SP140: variants seen among roughly 807,000 people sequenced by gnomAD.
SP140 encodes the protein nuclear body protein SP140.
A neutral mutation model predicts 125.0 loss-of-function variants in SP140; 81 were observed. That is an observed-to-expected ratio of 0.65 (90% CI 0.54 to 0.78). The LOEUF (loss-of-function observed/expected upper bound fraction) is 0.78, where lower values mean the gene tolerates loss of function less well. SP140 is among the 30% of genes least tolerant of loss of function. The pLI, the probability that SP140 is intolerant of heterozygous loss-of-function variation, is 0.00. For synonymous variants in SP140, 312 were observed against 354.0 expected (o/e 0.88, Z 1.33); for missense variants, 858 against 1,037.0 (o/e 0.83, Z 2.37).
intron 12 of SP140, among the ~76,000 whole-genome samples, chr2:230,256,642 G>T (rs1259567383): frequency 6.6e-6 from 1 of 152,070 alleles, no homozygotes; most frequent in African/African-American, 2.4e-5. Flanking sequence ...TGCACGTTGT[G>T]CACATGTACC....
chr2:230,239,199 A>T (rs1316877918), intron 3 of SP140: 2 of 413,442 alleles, frequency 4.8e-6, no homozygotes, highest in Non-Finnish European at 7.5e-6. Flanking sequence ...GGTCTAGAGG[A>T]AGTCAAATAC....
rs139212009 is a variant in SP140, at chr2:230,231,656, A to T, written c.60-5427A>T. On this transcript the variant is annotated intron_variant, in intron 1 of 26. Transcript: ENST00000392045. ...CTTATGATTACATCTCGATCTTTTA[A>T]TGGAACTGCACCTTGGGCTATTACT... Among the ~76,000 whole-genome samples the T allele has an allele frequency of 5.6e-3, 845 of 152,252 alleles. 3 individuals are homozygous for T. Among genetic ancestry groups the T allele is most frequent in the Non-Finnish European group, 9.9e-3 (676 of 68,008 alleles).
chr2:230,310,833 G>A lies in SP140; in HGVS notation c.2265G>A (p.Met755Ile), dbSNP rs1439383952. The change falls in exon 24 of 27, where the codon ATG becomes ATA. Residue 755 changes from methionine to isoleucine, a missense_variant. Physicochemically the swap from Met to Ile is conservative, Grantham distance 10 (BLOSUM62 1). Around this residue, in one of 4 missense-constraint regions of SP140, gnomAD observed 22 missense variants for 50.5 expected, o/e 0.44. Coordinates refer to ENST00000392045, the MANE Select transcript of SP140 (RefSeq NM_007237.5). ...CQESEVLERQ[M>I]CPEEQLKCEF... The stretch of plus-strand genomic sequence containing the variant: ...AATCTGAGGTCCTGGAGAGGCAGAT[G>A]TGTCCTGAGGAACAGTTGGTAAATC... 2 of 1,360,786 alleles carry A rather than the reference G, an allele frequency of 1.5e-6. No homozygotes were observed. The highest frequency in any genetic ancestry group is 2.0e-6 in the Non-Finnish European group (2 of 992,698). The allele number at this position is 1,360,786 out of a possible 1,614,324, so 84.3% of individuals were successfully genotyped here.
At chr2:230,249,005 T>A in intron 9 of SP140, 37 bp downstream of exon 9, 1 of 1,527,992 alleles carries the variant, frequency 6.5e-7, no homozygotes, top group Non-Finnish European at 9.0e-7. Context: ...TTTGAGTACA[T>A]CTTTGTTTTC....
chr2:230,285,538 G>A (rs534219863), intron 16 of SP140, among the ~76,000 whole-genome samples: 2 of 152,276 alleles, frequency 1.3e-5, no homozygotes, highest in Admixed American at 6.5e-5. Flanking sequence ...ATTTAAGTCT[G>A]TGTGTATGTA....
upstream of SP140, chr2:230,200,925 C>A (rs1008864778): frequency 6.2e-7 from 1 of 1,613,816 alleles, no homozygotes; most frequent in African/African-American, 1.3e-5. Context: ...TCTTCTGGGA[C>A]CTCTTTCCTT....
intron 12 of SP140, among the ~76,000 whole-genome samples, chr2:230,259,077 G>A (rs2051742991): frequency 6.6e-6 from 1 of 151,732 alleles, no homozygotes; most frequent in Admixed American, 6.6e-5. Flanking sequence ...AGCATGGCCT[G>A]TTTGTTTATT....
In SP140 at chr2:230,247,781, T is replaced by G; in HGVS notation, c.743-135T>G. ...CATTTTCTGATGACTCTTTCTCATC[T>G]GAGCTTTCCTAAAGGCTTAGCCCTG... On this transcript the variant is annotated intron_variant, in intron 7 of 26. Coordinates refer to ENST00000392045, the MANE Select transcript of SP140 (RefSeq NM_007237.5). 5 of 786,416 alleles carry G rather than the reference T, an allele frequency of 6.4e-6. No individual in the cohort carries two copies. In the South Asian group the frequency reaches 1.1e-4, roughly 17 times the overall value. 48.7% of individuals were successfully genotyped at this position (786,416 alleles called of 1,614,324 possible). A position where few individuals can be genotyped will look rare whatever the true frequency, so the allele number is the denominator to read the frequency against.
At position 230,238,299 on chromosome 2, in the gene SP140, G is replaced by T. The variant is rs1179778231; in HGVS notation, c.324G>T (p.Trp108Cys). Residue 108 changes from tryptophan to cysteine, a missense_variant, in exon 3 of 27, where the codon TGG becomes TGT. This residue lies in a region of SP140 where 791 missense variants were observed against 869.5 expected (regional missense o/e 0.91). Coordinates refer to ENST00000392045, the MANE Select transcript of SP140 (RefSeq NM_007237.5). ...VLSELEKTFG[W>C]SHLEALFSRI... ...GTGAACTGGAGAAGACATTTGGCTG[G>T]TCACATCTGGAAGCATTGTTCAGCA... The T allele has an allele frequency of 9.9e-6, 16 of 1,613,842 alleles. No individual in the cohort carries two copies. Among genetic ancestry groups the T allele is most frequent in the African/African-American group, 1.3e-5 (1 of 74,924 alleles).
upstream of SP140, chr2:230,202,501 A>G (rs2148860511): frequency 7.2e-7 from 1 of 1,382,494 alleles, no homozygotes; most frequent in Non-Finnish European, 1.0e-6. Flanking sequence ...TTACATATCT[A>G]CTTAACTCTG....
chr2:230,205,831 A>G (rs777915550), intron 1 of SP140, among the ~76,000 whole-genome samples: 3 of 152,246 alleles, frequency 2.0e-5, no homozygotes, highest in Non-Finnish European at 4.4e-5. Flanking sequence ...TTGAAGACGT[A>G]GAGTTGGGAG....
At chr2:230,300,338 A>C (rs2058171579) in intron 22 of SP140, among the ~76,000 whole-genome samples, 1 of 152,162 alleles carries the variant, frequency 6.6e-6, no homozygotes. Flanking sequence ...TAGCATAACC[A>C]ACATTTGAGA....
chr2:230,194,946 C>A, the SP140 span, among the ~76,000 whole-genome samples: 1 of 152,124 alleles, frequency 6.6e-6, no homozygotes, highest in African/African-American at 2.4e-5. Flanking sequence ...GCTGGCTGTG[C>A]TCCAGGCACA....
At chr2:230,292,224 C>T (rs1017294044) in intron 19 of SP140, among the ~76,000 whole-genome samples, 1 of 152,200 alleles carries the variant, frequency 6.6e-6, no homozygotes, top group African/African-American at 2.4e-5. Context: ...GGGCACCCAT[C>T]TGAGACCGTA....
intron 1 of SP140, among the ~76,000 whole-genome samples, 164 bp downstream of exon 1, chr2:230,226,067 G>A (rs1319923800): frequency 1.3e-5 from 2 of 152,206 alleles, no homozygotes; most frequent in South Asian, 2.1e-4. Flanking sequence ...GGGATTGGCT[G>A]TTGGAGAAAC....
At chr2:230,274,338 T>A (rs1271681310) in intron 15 of SP140, among the ~76,000 whole-genome samples, 1 of 152,164 alleles carries the variant, frequency 6.6e-6, no homozygotes, top group East Asian at 1.9e-4. Context: ...AAGTTAAGGA[T>A]CTTGAGATAA....
chr2:230,213,033 A>G lies in SP140; in HGVS notation c.-322-621A>G, dbSNP rs748232014. On this transcript the variant is annotated intron_variant, in intron 1 of 4. Coordinates refer to the SP140 transcript ENST00000456542. Reference sequence around the variant, plus strand: ...CCATTCATAGGAAGCACCAACTGGGATTGGTGAAGGGACACACATCAGTAC... The same window carrying G: ...CCATTCATAGGAAGCACCAACTGGGGTTGGTGAAGGGACACACATCAGTAC... 1.9e-6 allele frequency: 3 copies of G among 1,613,752 alleles called. No homozygotes were observed.
intron 6 of SP140, 82 bp from the exon 7 acceptor site, chr2:230,245,781 C>T (rs375451361): frequency 1.6e-5 from 14 of 894,974 alleles, no homozygotes; most frequent in East Asian, 7.3e-5. Flanking sequence ...GTTCTACACC[C>T]GAATATTAGA....
Position 230,312,648 on chromosome 2 carries a change from A to G in SP140, c.2568A>G (p.Glu856=). 6.2e-7 allele frequency: 1 copy of G among 1,612,990 alleles called. No homozygotes were observed. Among genetic ancestry groups the G allele is most frequent in the Non-Finnish European group, 8.5e-7 (1 of 1,179,206 alleles). Residue 856 remains glutamate, a synonymous_variant, in exon 27 of 27, where the codon GAA becomes GAG. Coordinates refer to ENST00000392045, the MANE Select transcript of SP140 (RefSeq NM_007237.5). ...LEAEFEKNFK[E]VFAIQETNGN... The stretch of plus-strand genomic sequence containing the variant: ...CTGAGTTTGAGAAGAATTTCAAGGA[A>G]GTGTTTGCTATTCAGGAAACAAATG...
Sources: gnomAD v4.1 joint callset for allele counts (sites outside exome capture counted in the v4.1 genomes callset) on GRCh38, gnomAD v4.1.1 for gene constraint, gnomAD v4.1.1 regional missense constraint, MANE v1.5 for transcripts, NCBI Gene and HGNC (gene_info 2026-07-23, HGNC 2026-07-21) for gene names.